Variants in NRDC observed in about 807,000 individuals in gnomAD.
The protein encoded by NRDC is nardilysin convertase, also known as nardilysin.
NRDC carries 54 observed loss-of-function variants against 147.1 expected under a neutral mutation model. The ratio of observed to expected loss-of-function variants is 0.37; its 90% CI spans 0.29 to 0.46. NRDC has a LOEUF of 0.46. NRDC is among the 20% of genes least tolerant of loss of function. The pLI is 1.00. For synonymous variants in NRDC, 440 were observed against 482.1 expected, an observed-to-expected ratio of 0.91 and a Z score of 1.14; for missense variants, 1,082 against 1,370.6, an observed-to-expected ratio of 0.79 and a Z score of 3.33.
chr1:51,826,874 C>T lies in NRDC; in HGVS notation c.940+922G>A, dbSNP rs867353092. ...GCTTGTTTAAACACTGGTGTCAACC[C>T]ACTCTAGAAACTGTATAAAGAAAAA... On this transcript the variant is annotated intron_variant, in intron 5 of 30. Coordinates refer to ENST00000352171, the MANE Select transcript of NRDC (RefSeq NM_001101662.2). 4.3e-4 allele frequency among the ~76,000 whole-genome samples: 65 copies of T among 152,238 alleles called. No individual in the cohort carries two copies. The Middle Eastern group carries it at 0.01, about 24-fold the overall frequency.
At chr1:51,868,076 T>C (rs193046162) in intron 1 of NRDC, among the ~76,000 whole-genome samples, 2 of 151,874 alleles carry the variant, frequency 1.3e-5, no homozygotes, top group Non-Finnish European at 2.9e-5. Flanking sequence ...AACTGGAGAG[T>C]AGAGATAAGG....
In NRDC at chr1:51,814,830, A is replaced by T; in HGVS notation, c.1440-17T>A. 6.4e-7 allele frequency: 1 copy of T among 1,556,614 alleles called. No individual in the cohort carries two copies. Among genetic ancestry groups the T allele is most frequent in the Non-Finnish European group, 8.6e-7 (1 of 1,156,548 alleles). Reference sequence around the variant, plus strand: ...GCCCAGCATCTACAGGTGGGGAAAAAATTAACCCAATCAATGTTCCTGGAT... The same window carrying T: ...GCCCAGCATCTACAGGTGGGGAAAATATTAACCCAATCAATGTTCCTGGAT... On this transcript the variant is annotated splice_polypyrimidine_tract_variant and intron_variant, in intron 11 of 30. Coordinates refer to ENST00000352171, the MANE Select transcript of NRDC (RefSeq NM_001101662.2).
chr1:51,818,391 T>A (rs1324087410), intron 9 of NRDC, among the ~76,000 whole-genome samples: 2 of 152,190 alleles, frequency 1.3e-5, no homozygotes, highest in Non-Finnish European at 2.9e-5. Context: ...TGTGTATGGA[T>A]CTCTTCTTGC....
At chr1:51,814,493 T>C (rs1679869882) in intron 13 of NRDC, 58 bp downstream of exon 13, 4 of 1,537,608 alleles carry the variant, frequency 2.6e-6, no homozygotes, top group Non-Finnish European at 3.6e-6. Flanking sequence ...ACCGGCAGCC[T>C]GAAGCCTCAA....
intron 1 of NRDC, among the ~76,000 whole-genome samples, chr1:51,846,063 A>G (rs772943813): frequency 3.3e-5 from 5 of 152,156 alleles, no homozygotes; most frequent in South Asian, 2.1e-4. Flanking sequence ...GGTAATGTAT[A>G]TATCTGGGGA....
At position 51,875,290 on chromosome 1, in the gene NRDC, C is replaced by G. The variant is rs202073865; in HGVS notation, c.341+2985G>C. Reference sequence around the variant, plus strand: ...AAACAGGTAATATGGAAGAACTGCTCTTCTGAAAGGGGAGGGTTATTGAAA... The same window carrying G: ...AAACAGGTAATATGGAAGAACTGCTGTTCTGAAAGGGGAGGGTTATTGAAA... On this transcript the variant is annotated intron_variant, in intron 1 of 30. Coordinates refer to ENST00000352171, the MANE Select transcript of NRDC (RefSeq NM_001101662.2). Among the ~76,000 whole-genome samples, 14 of 152,190 alleles carry G rather than the reference C, an allele frequency of 9.2e-5. No homozygotes were observed. In the East Asian group the frequency reaches 2.7e-3, roughly 29 times the overall value.
At chr1:51,795,223 G>C (rs1200026412) in intron 22 of NRDC, 2 of 1,304,140 alleles carry the variant, frequency 1.5e-6, no homozygotes, top group East Asian at 5.2e-5. Flanking sequence ...ATAAAGCAAA[G>C]AAAATAACAT....
Position 51,810,291 on chromosome 1 carries a change from A to G in NRDC, c.1893T>C (p.Tyr631=), listed in dbSNP as rs779563078. ...DLKEKWFGTQ[Y]SIEDIENSWA... Reference sequence around the variant, plus strand: ...GTTAAAATATTTTACCTTCTATACTATATTGAGTTCCAAACCATTTCTCCT... The same window carrying G: ...GTTAAAATATTTTACCTTCTATACTGTATTGAGTTCCAAACCATTTCTCCT... The change falls in exon 16 of 31, where the codon TAT becomes TAC. Residue 631 remains tyrosine (Y), a synonymous_variant. Coordinates refer to ENST00000352171, the MANE Select transcript of NRDC (RefSeq NM_001101662.2). 6.2e-7 allele frequency: 1 copy of G among 1,605,048 alleles called. No homozygotes were observed. The highest frequency in any genetic ancestry group is 2.2e-5 in the East Asian group (1 of 44,642).
At chr1:51,872,955 A>G (rs1683151855) in intron 1 of NRDC, among the ~76,000 whole-genome samples, 1 of 149,862 alleles carries the variant, frequency 6.7e-6, no homozygotes, top group South Asian at 2.1e-4. Flanking sequence ...GGAATTGTCA[A>G]TCTCATGGAA....
chr1:51,847,253 C>A (rs1469711864), intron 1 of NRDC, among the ~76,000 whole-genome samples: 1 of 152,198 alleles, frequency 6.6e-6, no homozygotes, highest in Non-Finnish European at 1.5e-5. Flanking sequence ...TATCCACAAT[C>A]CCCCCAGCTA....
At chr1:51,814,653 C>T in intron 12 of NRDC, 40 bp downstream of exon 12, 2 of 1,606,554 alleles carry the variant, frequency 1.2e-6, no homozygotes, top group Non-Finnish European at 1.7e-6. Context: ...AAAGTGATAT[C>T]TACGTAAAAG....
chr1:51,813,982 C>T, intron 14 of NRDC, 53 bp downstream of exon 14: 1 of 1,153,056 alleles, frequency 8.7e-7, no homozygotes, highest in East Asian at 2.4e-5. Context: ...AATGTCTACA[C>T]CAGCTTCAAC....
At chr1:51,796,163 A>G (rs2149187856) in intron 22 of NRDC, among the ~76,000 whole-genome samples, 1 of 151,690 alleles carries the variant, frequency 6.6e-6, no homozygotes, top group Non-Finnish European at 1.5e-5. Flanking sequence ...TGACAGGCAT[A>G]AGCCACCATG....
chr1:51,819,254 T>C (rs1680107663), intron 9 of NRDC, among the ~76,000 whole-genome samples: 1 of 150,854 alleles, frequency 6.6e-6, no homozygotes, highest in South Asian at 2.1e-4. Context: ...GCTGAGATCA[T>C]GCCATTGTAC....
chr1:51,847,917 C>T (rs1039650738), intron 1 of NRDC, among the ~76,000 whole-genome samples: 9 of 152,242 alleles, frequency 5.9e-5, no homozygotes, highest in East Asian at 3.8e-4. Context: ...GCTGCCAGCA[C>T]GCTGTCACCT....
chr1:51,831,625 C>T (rs1373551488), intron 4 of NRDC, among the ~76,000 whole-genome samples: 1 of 151,284 alleles, frequency 6.6e-6, no homozygotes, highest in Non-Finnish European at 1.5e-5. Flanking sequence ...ATCACCCAGG[C>T]TGGAGTACAG....
intron 14 of NRDC, 58 bp downstream of exon 14, chr1:51,813,977 C>G (rs1046706018): frequency 2.7e-6 from 3 of 1,096,668 alleles, no homozygotes; most frequent in Non-Finnish European, 4.2e-6. Context: ...GGAACAATGT[C>G]TACACCAGCT....
intron 1 of NRDC, among the ~76,000 whole-genome samples, chr1:51,867,959 G>A (rs993496868): frequency 4.6e-5 from 7 of 152,174 alleles, no homozygotes; most frequent in Non-Finnish European, 7.3e-5. Context: ...GTATGCTCCC[G>A]GGGATGATCC....
intron 1 of NRDC, among the ~76,000 whole-genome samples, chr1:51,877,531 T>C (rs1228544587): frequency 6.6e-6 from 1 of 150,642 alleles, no homozygotes; most frequent in African/African-American, 2.4e-5. Flanking sequence ...ACACGCAAGA[T>C]ACATCATAGT....
Sources: gnomAD v4.1 joint callset for allele counts (sites outside exome capture counted in the v4.1 genomes callset) on GRCh38, gnomAD v4.1.1 for gene constraint, MANE v1.5 for transcripts, NCBI Gene and HGNC (gene_info 2026-07-23, HGNC 2026-07-21) for gene names.